The following NWD2 variants were observed in gnomAD, a reference collection of about 807,000 sequenced individuals.
The protein encoded by NWD2 is NACHT and WD repeat domain-containing protein 2.
A neutral mutation model predicts 132.7 loss-of-function variants in NWD2; 37 were observed. That is an observed-to-expected ratio of 0.28 (90% CI 0.21 to 0.37). NWD2 has a LOEUF of 0.37. NWD2 is among the 10% of genes least tolerant of loss of function. NWD2 has a pLI of 1.00. For synonymous variants in NWD2, 705 were observed against 803.0 expected (o/e 0.88, Z 2.06); for missense variants, 1,592 against 2,122.4 (o/e 0.75, Z 4.91).
In NWD2 at chr4:37,311,710, A is replaced by G. The variant is rs567399751; in HGVS notation, c.152-14226A>G. Among the ~76,000 whole-genome samples, 24 of 148,850 alleles carry G rather than the reference A, an allele frequency of 1.6e-4. 1 individual carries two copies. In the South Asian group the frequency reaches 4.8e-3, roughly 30 times the overall value. ...AAACATGAAGTCCTTGCCCATGCCT[A>G]TGTCCGGAATGGTAATGCCTAGGTT... On this transcript the variant is annotated intron_variant, in intron 1 of 6. Coordinates refer to ENST00000309447, the MANE Select transcript of NWD2 (RefSeq NM_001144990.2).
intron 6 of NWD2, among the ~76,000 whole-genome samples, chr4:37,442,648 C>T (rs1406621529): frequency 6.6e-6 from 1 of 152,072 alleles, no homozygotes; most frequent in African/African-American, 2.4e-5. Context: ...TTTTAACCAC[C>T]ATTCTGTGGA....
intron 3 of NWD2, among the ~76,000 whole-genome samples, chr4:37,404,176 T>C (rs1439136850): frequency 2.0e-5 from 3 of 152,210 alleles, no homozygotes; most frequent in Non-Finnish European, 4.4e-5. Flanking sequence ...CATTTTGCCA[T>C]ATACTTGCTG....
chr4:37,324,513 TG>T, intron 1 of NWD2, among the ~76,000 whole-genome samples: 1 of 152,230 alleles, frequency 6.6e-6, no homozygotes, highest in Non-Finnish European at 1.5e-5. Context: ...CAAGGGAGGA[TG>T]GGCATTCTGA....
intron 2 of NWD2, among the ~76,000 whole-genome samples, chr4:37,328,889 C>T (rs951064588): frequency 6.6e-6 from 1 of 152,026 alleles, no homozygotes; most frequent in Non-Finnish European, 1.5e-5. Flanking sequence ...TATTGGCCTG[C>T]TTATTGTCTT....
At chr4:37,334,157 C>T (rs533405045) in intron 2 of NWD2, among the ~76,000 whole-genome samples, 81 of 152,250 alleles carry the variant, frequency 5.3e-4, no homozygotes, top group African/African-American at 1.9e-3. Context: ...AATAACAGAA[C>T]TTCCCAAACC....
At chr4:37,379,390 A>T (rs1217118371) in intron 3 of NWD2, among the ~76,000 whole-genome samples, 1 of 152,084 alleles carries the variant, frequency 6.6e-6, no homozygotes, top group Non-Finnish European at 1.5e-5. Flanking sequence ...AGACACAGAG[A>T]GGTTGAGTAA....
chr4:37,325,409 T>C (rs1486790420), intron 1 of NWD2, among the ~76,000 whole-genome samples: 1 of 152,290 alleles, frequency 6.6e-6, no homozygotes, highest in East Asian at 1.9e-4. Context: ...TCTGCTATGA[T>C]AGGTTTTCAT....
intron 4 of NWD2, among the ~76,000 whole-genome samples, chr4:37,432,533 G>A (rs1462868317): frequency 6.6e-6 from 1 of 151,968 alleles, no homozygotes; most frequent in Non-Finnish European, 1.5e-5. Context: ...TTCTTCAGCT[G>A]TGTTCATTCT....
intron 3 of NWD2, among the ~76,000 whole-genome samples, chr4:37,380,919 CTCT>C (rs1233469674): frequency 1.3e-5 from 2 of 152,274 alleles, no homozygotes; most frequent in Admixed American, 6.5e-5. Flanking sequence ...TCAGGAAATG[CTCT>C]TCTTTCTCCT....
rs1712618969 is a variant in NWD2, at chr4:37,445,772, G to A, written c.3784G>A (p.Asp1262Asn). ...CTCAGCTGTGTTTTTTTGGAGGCGG[G>A]ACACAGGACAGTGTATGGCAAGCTT... is the stretch of plus-strand genomic sequence containing the variant. ...NTSAVFFWRR[D>N]TGQCMASLQE... Residue 1262 changes from aspartate (D) to asparagine (N), a missense_variant, in exon 7 of 7, where the codon GAC becomes AAC. Physicochemically the swap from Asp to Asn is conservative, Grantham distance 23 (BLOSUM62 1). Around this residue, in one of 7 missense-constraint regions of NWD2, gnomAD observed 1,071 missense variants for 1,398.0 expected, o/e 0.77. Coordinates refer to ENST00000309447, the MANE Select transcript of NWD2 (RefSeq NM_001144990.2). This position sits in a 1 kb window ranked among gnomAD's most constrained non-coding sequence, Gnocchi z 4.7. The A allele has an allele frequency of 1.3e-6, 2 of 1,551,714 alleles. No individual in the cohort carries two copies. The highest frequency in any genetic ancestry group is 2.0e-5 in the Admixed American group (1 of 50,976).
chr4:37,324,724 T>G (rs1719136718), intron 1 of NWD2, among the ~76,000 whole-genome samples: 1 of 152,172 alleles, frequency 6.6e-6, no homozygotes, highest in Non-Finnish European at 1.5e-5. Flanking sequence ...GACCTTGTAT[T>G]TCTCTGAATC....
At chr4:37,340,469 T>G (rs1719495449) in intron 2 of NWD2, among the ~76,000 whole-genome samples, 1 of 152,184 alleles carries the variant, frequency 6.6e-6, no homozygotes, top group African/African-American at 2.4e-5. Context: ...AATGATACCA[T>G]AATATTGAAA....
chr4:37,444,778 T>A lies in NWD2; in HGVS notation c.2790T>A (p.His930Gln). 1 of 1,551,918 alleles carries A rather than the reference T, an allele frequency of 6.4e-7. No individual in the cohort carries two copies. The highest frequency in any genetic ancestry group is 8.7e-7 in the Non-Finnish European group (1 of 1,147,072). The part of the protein sequence containing the change: ...PVVSSLPKLR[H>Q]LLLECDKDGP... ...TAAGCTCCCTGCCCAAACTTAGACA[T>A]CTTCTTTTAGAGTGTGATAAAGATG... is the stretch of plus-strand genomic sequence containing the variant. Residue 930 changes from histidine to glutamine, a missense_variant, in exon 7 of 7, where the codon CAT (histidine) becomes CAA (glutamine). Coordinates refer to ENST00000309447, the MANE Select transcript of NWD2 (RefSeq NM_001144990.2). This position sits in a 1 kb window ranked among gnomAD's most constrained non-coding sequence, Gnocchi z 4.8.
intron 1 of NWD2, among the ~76,000 whole-genome samples, chr4:37,304,074 G>A (rs957629262): frequency 6.6e-6 from 1 of 152,180 alleles, no homozygotes; most frequent in Non-Finnish European, 1.5e-5. Context: ...AAAGTTTTAA[G>A]TGGTTCACAG....
chr4:37,394,181 A>G (rs778317932), intron 3 of NWD2, among the ~76,000 whole-genome samples: 2 of 152,200 alleles, frequency 1.3e-5, no homozygotes, highest in Non-Finnish European at 2.9e-5. Context: ...ACTTAAGTAA[A>G]TGTATAATCT....
At chr4:37,381,057 T>C (rs925883338) in intron 3 of NWD2, among the ~76,000 whole-genome samples, 4 of 152,146 alleles carry the variant, frequency 2.6e-5, no homozygotes, top group African/African-American at 9.7e-5. Context: ...AGCAAAATAA[T>C]CTTTCAAGAG....
intron 3 of NWD2, among the ~76,000 whole-genome samples, chr4:37,417,044 G>A (rs1026739227): frequency 6.6e-5 from 10 of 152,130 alleles, no homozygotes; most frequent in Non-Finnish European, 1.5e-4. Context: ...CACCACTGAA[G>A]AACTTATTCA....
intron 1 of NWD2, among the ~76,000 whole-genome samples, chr4:37,311,578 G>A (rs561292424): frequency 6.7e-6 from 1 of 149,008 alleles, no homozygotes; most frequent in Non-Finnish European, 1.5e-5. Flanking sequence ...CTCCCATTTT[G>A]TAGGTTGCCT....
chr4:37,370,801 T>G (rs1271860497), intron 3 of NWD2, among the ~76,000 whole-genome samples: 1 of 152,216 alleles, frequency 6.6e-6, no homozygotes, highest in East Asian at 1.9e-4. Flanking sequence ...AAAGGTTGAT[T>G]ATAAAATATT....
Sources: allele counts gnomAD v4.1 joint callset (sites outside exome capture counted in the v4.1 genomes callset), GRCh38; gene constraint gnomAD v4.1.1; regional missense constraint gnomAD v4.1.1; non-coding constraint Gnocchi (gnomAD v3.1); transcripts MANE v1.5; gene names NCBI Gene and HGNC (gene_info 2026-07-23, HGNC 2026-07-21).